The following TRPM6 variants were observed in gnomAD, a reference collection of about 807,000 sequenced individuals.
The protein encoded by TRPM6 is transient receptor potential cation channel subfamily M member 6, also known as channel kinase 2.
Under a neutral mutation model 247.6 loss-of-function variants are expected in TRPM6, and 111 were observed. The ratio of observed to expected loss-of-function variants is 0.45; its 90% CI spans 0.38 to 0.52. The LOEUF (loss-of-function observed/expected upper bound fraction) is 0.52. Among genes scored for constraint, TRPM6 ranks in the 20% least tolerant of loss-of-function variants. The pLI is 0.00. For missense variants in TRPM6, 2,126 were observed against 2,421.5 expected (o/e 0.88, Z 2.56); for synonymous variants, 892 against 853.8 (o/e 1.04, Z -0.78).
intron 1 of TRPM6, among the ~76,000 whole-genome samples, chr9:74,884,414 A>C (rs10869456): frequency 6.6e-6 from 1 of 151,848 alleles, no homozygotes; most frequent in African/African-American, 2.4e-5. Context: ...GTGTGAACCC[A>C]GCAGGCGGAG....
chr9:74,828,931 G>A (rs1829450233), intron 6 of TRPM6, among the ~76,000 whole-genome samples: 1 of 152,138 alleles, frequency 6.6e-6, no homozygotes, highest in East Asian at 1.9e-4. Flanking sequence ...TTCAAAAATA[G>A]TGTCTTTTTA....
intron 38 of TRPM6, among the ~76,000 whole-genome samples, chr9:74,727,381 CAAAAAAAAAA>C (rs763828073): frequency 3.8e-5 from 2 of 52,242 alleles, no homozygotes; most frequent in South Asian, 7.0e-4. Context: ...GACTCCGTCT[CAAAAAAAAAA>C]AAAAAAAAAA....
chr9:74,811,153 T>C (rs968809305), intron 12 of TRPM6, among the ~76,000 whole-genome samples: 2 of 152,238 alleles, frequency 1.3e-5, no homozygotes, highest in South Asian at 2.1e-4. Context: ...TCCTTTATCA[T>C]ACAATTACAA....
intron 31 of TRPM6, among the ~76,000 whole-genome samples, chr9:74,745,548 G>T (rs923198210): frequency 6.6e-6 from 1 of 152,082 alleles, no homozygotes; most frequent in African/African-American, 2.4e-5. Context: ...ATATAGGGTG[G>T]TTAGGCAAAG....
At chr9:74,831,141 C>T (rs868449247) in intron 6 of TRPM6, among the ~76,000 whole-genome samples, 2 of 152,042 alleles carry the variant, frequency 1.3e-5, no homozygotes, top group Non-Finnish European at 2.9e-5. Flanking sequence ...CAGTATGATA[C>T]TAGCTGACAT....
At chr9:74,788,867 A>G (rs530636656) in intron 19 of TRPM6, 125 bp from the exon 20 acceptor site, 22 of 1,157,086 alleles carry the variant, frequency 1.9e-5, no homozygotes, top group African/African-American at 6.1e-5. Flanking sequence ...CAGAACTAGG[A>G]CCACCTTCGG....
intron 13 of TRPM6, 52 bp downstream of exon 13, chr9:74,810,763 C>T: frequency 6.4e-7 from 1 of 1,550,614 alleles, no homozygotes; most frequent in South Asian, 1.1e-5. Flanking sequence ...TCCTCCAACA[C>T]AAAGCTAAGG....
chr9:74,887,503 T>A, intron 1 of TRPM6: 1 of 1,134,622 alleles, frequency 8.8e-7, no homozygotes, highest in South Asian at 1.4e-5. Flanking sequence ...TCCCGGGGTG[T>A]TTCCCACCGC....
intron 37 of TRPM6, among the ~76,000 whole-genome samples, chr9:74,729,330 C>T (rs906207820): frequency 2.6e-5 from 4 of 152,132 alleles, no homozygotes; most frequent in East Asian, 1.9e-4. Flanking sequence ...TCAAAAGGGA[C>T]GTGGTGTAAA....
At chr9:74,750,750 G>C in intron 29 of TRPM6, 28 bp from the exon 30 acceptor site, 1 of 1,611,180 alleles carries the variant, frequency 6.2e-7, no homozygotes, top group African/African-American at 1.3e-5. Context: ...GCCGTTACGT[G>C]TGTGCTCAAC....
intron 28 of TRPM6, among the ~76,000 whole-genome samples, chr9:74,755,057 A>C (rs867682876): frequency 2.0e-5 from 3 of 152,364 alleles, no homozygotes; most frequent in Admixed American, 6.5e-5. Flanking sequence ...TCCATAAATC[A>C]GACTAAATGA....
At chr9:74,887,750 C>A in intron 1 of TRPM6, 74 bp downstream of exon 1, 16 of 1,613,856 alleles carry the variant, frequency 9.9e-6, no homozygotes, top group Non-Finnish European at 1.4e-5. Flanking sequence ...CCACTTCTAT[C>A]TAAGGCCGGG....
intron 14 of TRPM6, among the ~76,000 whole-genome samples, chr9:74,806,753 A>T (rs1032901412): frequency 6.6e-6 from 1 of 152,238 alleles, no homozygotes; most frequent in Non-Finnish European, 1.5e-5. Flanking sequence ...TTACACAGCT[A>T]CTAAAGAGCA....
chr9:74,852,360 A>G (rs182733547), intron 3 of TRPM6, among the ~76,000 whole-genome samples: 3 of 151,078 alleles, frequency 2.0e-5, no homozygotes, highest in African/African-American at 7.3e-5. Context: ...ACTTAGCTAA[A>G]ATTTTCTTTC....
At chr9:74,822,997 G>C (rs1010275721) in intron 7 of TRPM6, among the ~76,000 whole-genome samples, 1 of 152,100 alleles carries the variant, frequency 6.6e-6, no homozygotes, top group Admixed American at 6.6e-5. Context: ...GTTGAAAAGG[G>C]ACCTTGTCTA....
intron 7 of TRPM6, among the ~76,000 whole-genome samples, chr9:74,826,211 T>G (rs964425695): frequency 6.6e-6 from 1 of 152,180 alleles, no homozygotes; most frequent in Non-Finnish European, 1.5e-5. Context: ...ACGTTAGACG[T>G]AGATAGTTCT....
chr9:74,780,495 G>A (rs1827399984), intron 23 of TRPM6, among the ~76,000 whole-genome samples: 1 of 151,818 alleles, frequency 6.6e-6, no homozygotes, highest in Admixed American at 6.6e-5. Context: ...CAACTCACAT[G>A]GGGCCATATA....
chr9:74,800,241 A>G lies in TRPM6; in HGVS notation c.2238+13T>C, dbSNP rs568384865. On this transcript the variant is annotated intron_variant, in intron 17 of 38. Transcript: ENST00000360774. ...TAACATTAAACTCCATAAGACAAGTAAAGTAAATTTACCTTTAACCAAGAG... is the reference window on the plus strand; with the variant it reads ...TAACATTAAACTCCATAAGACAAGTGAAGTAAATTTACCTTTAACCAAGAG... 2 of 1,607,558 alleles carry G rather than the reference A, an allele frequency of 1.2e-6. No individual in the cohort carries two copies. Among genetic ancestry groups the G allele is most frequent in the Admixed American group, 1.7e-5 (1 of 60,018 alleles).
At chr9:74,789,951 A>C (rs1827838978) in intron 19 of TRPM6, among the ~76,000 whole-genome samples, 1 of 120,306 alleles carries the variant, frequency 8.3e-6, no homozygotes, top group African/African-American at 3.2e-5. Context: ...ACAGAGCAAG[A>C]CTCCATCTCA....
Sources: allele counts gnomAD v4.1 joint callset (sites outside exome capture counted in the v4.1 genomes callset), GRCh38; gene constraint gnomAD v4.1.1; transcripts MANE v1.5; gene names NCBI Gene and HGNC (gene_info 2026-07-23, HGNC 2026-07-21).